The following RPAP3 variants were observed in gnomAD, a reference collection of about 807,000 sequenced individuals.
RPAP3 encodes RNA polymerase II associated protein 3, also known as RNA polymerase II-associated protein 3.
In RPAP3, 58 loss-of-function variants were observed where a neutral mutation model predicts 88.8. The observed-to-expected ratio is 0.65, with a 90% CI of 0.53 to 0.81. The LOEUF is 0.81. Ranked by LOEUF, RPAP3 falls within the 40% of genes least tolerant of loss-of-function variation. The pLI is 0.00. For missense variants in RPAP3, 751 were observed against 764.3 expected (o/e 0.98, Z 0.20); for synonymous variants, 255 against 259.9 (o/e 0.98, Z 0.18).
chr12:47,705,689 A>C (rs1939778371), intron 1 of RPAP3, among the ~76,000 whole-genome samples: 1 of 151,202 alleles, frequency 6.6e-6, no homozygotes, highest in African/African-American at 2.4e-5. Context: ...CTTCCCGAGC[A>C]CTGCAAAATC....
At chr12:47,705,168 A>G (rs1939761060) in intron 1 of RPAP3, among the ~76,000 whole-genome samples, 3 of 152,188 alleles carry the variant, frequency 2.0e-5, no homozygotes. Context: ...GTAGGAGAAG[A>G]GTCAAAGCTT....
intron 9 of RPAP3, among the ~76,000 whole-genome samples, chr12:47,682,345 T>C (rs1939237586): frequency 6.6e-6 from 1 of 152,140 alleles, no homozygotes; most frequent in Non-Finnish European, 1.5e-5. Context: ...ACTTACTCAT[T>C]ACTGCTCTAC....
chr12:47,702,620 T>A, intron 2 of RPAP3, 68 bp downstream of exon 2: 1 of 1,287,556 alleles, frequency 7.8e-7, no homozygotes, highest in Non-Finnish European at 1.1e-6. Context: ...ACAAAACATT[T>A]TTAAAAGTTA....
Position 47,691,839 on chromosome 12 carries a change from G to T in RPAP3, c.546-1200C>A, listed in dbSNP as rs570282002. Among the ~76,000 whole-genome samples, 3 of 151,718 alleles carry T rather than the reference G, an allele frequency of 2.0e-5. No individual in the cohort carries two copies. In the South Asian group the frequency reaches 6.2e-4, roughly 32 times the overall value. ...TGGCTCACTGCAACCTCTGCCTCCC[G>T]GGTTCACGCCATTCTCCTGCCTCAG... is the stretch of plus-strand genomic sequence containing the variant. On this transcript the variant is annotated intron_variant, in intron 5 of 16. Coordinates refer to ENST00000005386, the MANE Select transcript of RPAP3 (RefSeq NM_024604.3).
At chr12:47,689,237 AAT>A (rs753379667) in intron 6 of RPAP3, 42 bp from the exon 7 acceptor site, 3 of 795,914 alleles carry the variant, frequency 3.8e-6, no homozygotes, top group Non-Finnish European at 6.1e-6. Flanking sequence ...AAAGATAGGT[AAT>A]ATTTTAAAAC....
At chr12:47,683,009 A>T (rs1939255502) in intron 9 of RPAP3, among the ~76,000 whole-genome samples, 1 of 152,156 alleles carries the variant, frequency 6.6e-6, no homozygotes, top group African/African-American at 2.4e-5. Flanking sequence ...GTCCCCTGCA[A>T]TAACAGCCAT....
intron 5 of RPAP3, among the ~76,000 whole-genome samples, chr12:47,691,303 A>C (rs1939423057): frequency 6.6e-6 from 1 of 152,162 alleles, no homozygotes; most frequent in Non-Finnish European, 1.5e-5. Flanking sequence ...CATCCATAAG[A>C]ATCAACTGAC....
chr12:47,704,116 G>C (rs554459972), intron 1 of RPAP3, among the ~76,000 whole-genome samples: 1 of 152,308 alleles, frequency 6.6e-6, no homozygotes, highest in Non-Finnish European at 1.5e-5. Flanking sequence ...GTAGAAGCTA[G>C]AATCAAGGAT....
At chr12:47,696,520 AT>A in intron 4 of RPAP3, 117 bp from the exon 5 acceptor site, 1 of 620,648 alleles carries the variant, frequency 1.6e-6, no homozygotes, top group Non-Finnish European at 2.5e-6. Flanking sequence ...ATTTTTTTCA[AT>A]AGAAGTCTAC....
intron 12 of RPAP3, among the ~76,000 whole-genome samples, chr12:47,679,041 C>T (rs1489381303): frequency 6.6e-6 from 1 of 152,226 alleles, no homozygotes; most frequent in African/African-American, 2.4e-5. Flanking sequence ...AAATGTGGCA[C>T]ATATACACCA....
chr12:47,690,743 C>G, intron 5 of RPAP3, 104 bp from the exon 6 acceptor site: 1 of 766,598 alleles, frequency 1.3e-6, no homozygotes, highest in South Asian at 3.1e-5. Context: ...AATTTACTTA[C>G]CCACTGAAGG....
intron 12 of RPAP3, among the ~76,000 whole-genome samples, chr12:47,679,077 C>T (rs1341951978): frequency 2.0e-5 from 3 of 152,100 alleles, no homozygotes; most frequent in African/African-American, 7.2e-5. Flanking sequence ...CCATAAAAAA[C>T]GATGAGTTCA....
chr12:47,672,292 A>G (rs920155287), intron 12 of RPAP3, among the ~76,000 whole-genome samples: 8 of 152,076 alleles, frequency 5.3e-5, no homozygotes, highest in African/African-American at 1.9e-4. Context: ...CTAGCCTTTC[A>G]TTTCAATAAT....
intron 13 of RPAP3, 130 bp from the exon 14 acceptor site, chr12:47,669,232 T>C (rs1938945942): frequency 1.8e-6 from 1 of 560,092 alleles, no homozygotes; most frequent in East Asian, 3.1e-5. Context: ...TATACAAGCA[T>C]TCAATTATTT....
intron 15 of RPAP3, among the ~76,000 whole-genome samples, chr12:47,667,446 CTTTGCTATATGCTGCTAA>C (rs1310256536): frequency 6.6e-6 from 1 of 152,084 alleles, no homozygotes; most frequent in Non-Finnish European, 1.5e-5. Context: ...AGAAAGCTAA[CTTTGCTATATGCTGCTAA>C]TTTGCTATAT....
Position 47,677,781 on chromosome 12 carries a change from T to C in RPAP3, c.1287+1712A>G, listed in dbSNP as rs188959316. On this transcript the variant is annotated intron_variant, in intron 12 of 16. Coordinates refer to ENST00000005386, the MANE Select transcript of RPAP3 (RefSeq NM_024604.3). ...CAAATGGAAGAATATTCCATGCTCATGGATAGGAAGAATCAATATTGTGAA... is the reference window on the plus strand; with the variant it reads ...CAAATGGAAGAATATTCCATGCTCACGGATAGGAAGAATCAATATTGTGAA... Among the ~76,000 whole-genome samples the C allele has an allele frequency of 4.4e-3, 671 of 152,304 alleles. 3 individuals are homozygous for C. Among genetic ancestry groups the C allele is most frequent in the African/African-American group, 0.015 (638 of 41,566 alleles).
rs368192830 is a variant in RPAP3 at position 47,661,630 on chromosome 12, A to T, written c.*1875T>A. On this transcript the variant is annotated 3_prime_UTR_variant, in exon 17 of 17. Coordinates refer to ENST00000005386, the MANE Select transcript of RPAP3 (RefSeq NM_024604.3). ...AACATCAGAAATTTTTTAAAATTCA[A>T]ATTCTATAGTAAATCTTGTGATCTG... 18 of 152,354 alleles carry T rather than the reference A, an allele frequency of 1.2e-4. No homozygotes were observed. The East Asian group carries it at 2.9e-3, about 25-fold the overall frequency. The allele number at this position is 152,354 out of a possible 1,614,324, so 9.4% of individuals were successfully genotyped here.
intron 5 of RPAP3, among the ~76,000 whole-genome samples, chr12:47,693,910 G>T (rs930125083): frequency 2.0e-5 from 3 of 152,142 alleles, no homozygotes; most frequent in African/African-American, 7.2e-5. Flanking sequence ...GCAAAAAATT[G>T]TAAGACTGTT....
intron 12 of RPAP3, among the ~76,000 whole-genome samples, chr12:47,677,069 G>A (rs1402967174): frequency 3.9e-5 from 6 of 152,300 alleles, no homozygotes; most frequent in African/African-American, 1.2e-4. Flanking sequence ...TCATCCCAGG[G>A]AAGAAAGGCT....
Sources: allele counts gnomAD v4.1 joint callset (sites outside exome capture counted in the v4.1 genomes callset), GRCh38; gene constraint gnomAD v4.1.1; transcripts MANE v1.5; gene names NCBI Gene and HGNC (gene_info 2026-07-23, HGNC 2026-07-21).